PAX5: variants seen among roughly 807,000 people sequenced by gnomAD.
PAX5 encodes paired box protein Pax-5.
Under a neutral mutation model 43.7 loss-of-function variants are expected in PAX5, and 9 were observed. That is an observed-to-expected ratio of 0.21 (90% CI 0.12 to 0.36). The LOEUF is 0.36. Among genes scored for constraint, PAX5 ranks in the 10% least tolerant of loss-of-function variants. The probability of loss-of-function intolerance (pLI) is 1.00; values close to 1 mark genes in which losing one functional copy is unlikely to be tolerated. For synonymous variants in PAX5, 228 were observed against 214.3 expected (o/e 1.06, Z -0.56); for missense variants, 383 against 532.7 (o/e 0.72, Z 2.77).
At chr9:36,958,438 C>A (rs991467451) in intron 6 of PAX5, among the ~76,000 whole-genome samples, 1 of 146,912 alleles carries the variant, frequency 6.8e-6, no homozygotes, top group Non-Finnish European at 1.5e-5. Flanking sequence ...CTAGGAACTA[C>A]GGGGGCCTGG....
chr9:36,901,642 A>AG (rs1828402487), intron 7 of PAX5, among the ~76,000 whole-genome samples: 1 of 152,090 alleles, frequency 6.6e-6, no homozygotes, highest in Admixed American at 6.5e-5. Flanking sequence ...GCTAAAAGGT[A>AG]GGGGGGTCTG....
rs149918641 is a variant in PAX5, at chr9:36,886,979, A to T, written c.911-4874T>A. Among the ~76,000 whole-genome samples the T allele has an allele frequency of 1.1e-4, 16 of 151,820 alleles. 2 individuals are homozygous for T. The South Asian group carries it at 1.7e-3, about 16-fold the overall frequency. On this transcript the variant is annotated intron_variant, in intron 7 of 9. Transcript: ENST00000358127. The stretch of plus-strand genomic sequence containing the variant: ...AGACACATTTGGTTTGAAATAACTC[A>T]CTCTTTGCAATCCTGAGAGGAAGGG...
chr9:36,985,647 G>C (rs961172454), intron 5 of PAX5, among the ~76,000 whole-genome samples: 5 of 152,272 alleles, frequency 3.3e-5, no homozygotes, highest in Non-Finnish European at 5.9e-5. Context: ...GGCAAGAAGA[G>C]CTTTCTGAGG....
chr9:36,903,069 C>T (rs556165036), intron 7 of PAX5, among the ~76,000 whole-genome samples: 95 of 152,252 alleles, frequency 6.2e-4, no homozygotes, highest in Middle Eastern at 3.4e-3. Flanking sequence ...TCAGGCAGGC[C>T]GGGCAATGGA....
intron 6 of PAX5, among the ~76,000 whole-genome samples, chr9:36,952,804 C>T (rs1321100294): frequency 6.6e-6 from 1 of 152,172 alleles, no homozygotes; most frequent in African/African-American, 2.4e-5. Flanking sequence ...CATCATTTCA[C>T]TTATCCATAT....
Position 36,921,966 on chromosome 9 carries a change from T to C in PAX5, c.910+1389A>G, listed in dbSNP as rs181769581. ...GGGGTCAGCAAAGGCTTACTCCAGATGGGCTCCCCGGCTCCCTGCCCCTCG... is the reference window on the plus strand; with the variant it reads ...GGGGTCAGCAAAGGCTTACTCCAGACGGGCTCCCCGGCTCCCTGCCCCTCG... On this transcript the variant is annotated intron_variant, in intron 7 of 9. Transcript: ENST00000358127. Among the ~76,000 whole-genome samples the C allele has an allele frequency of 4.6e-5, 7 of 152,272 alleles. No homozygotes were observed. The East Asian group carries it at 1.4e-3, about 29-fold the overall frequency.
chr9:36,943,043 T>C (rs554760754), intron 6 of PAX5, among the ~76,000 whole-genome samples: 14 of 152,346 alleles, frequency 9.2e-5, no homozygotes, highest in African/African-American at 3.4e-4. Context: ...GCTATGTCCT[T>C]GTGCTTACCC....
intron 8 of PAX5, among the ~76,000 whole-genome samples, chr9:36,876,100 A>G (rs777064649): frequency 2.0e-5 from 3 of 152,204 alleles, no homozygotes; most frequent in Non-Finnish European, 4.4e-5. Context: ...GAGCCCTTTA[A>G]GCAGAGGAAG....
intron 4 of PAX5, among the ~76,000 whole-genome samples, chr9:37,005,471 G>C (rs1053220432): frequency 6.6e-6 from 1 of 152,226 alleles, no homozygotes; most frequent in Non-Finnish European, 1.5e-5. Flanking sequence ...GCCTCAGTGA[G>C]CACCTGGTTA....
intron 5 of PAX5, among the ~76,000 whole-genome samples, chr9:36,981,196 C>G (rs78190217): frequency 1.3e-4 from 15 of 119,022 alleles, no homozygotes; most frequent in South Asian, 7.9e-4. Context: ...CCCCCCCCCC[C>G]TCAGCCCTGC....
chr9:36,886,476 A>G (rs753879339), intron 7 of PAX5, among the ~76,000 whole-genome samples: 1 of 152,156 alleles, frequency 6.6e-6, no homozygotes, highest in Non-Finnish European at 1.5e-5. Context: ...CTTGGAGGAC[A>G]CAGGCAGTTT....
intron 5 of PAX5, among the ~76,000 whole-genome samples, chr9:36,973,017 G>C (rs531952016): frequency 4.6e-5 from 5 of 109,660 alleles, no homozygotes; most frequent in African/African-American, 1.7e-4. Flanking sequence ...GACAGAGCGA[G>C]ATTCAGTCTC....
intron 6 of PAX5, among the ~76,000 whole-genome samples, chr9:36,964,594 CAA>C (rs745521933): frequency 4.4e-4 from 22 of 49,606 alleles, no homozygotes; most frequent in Non-Finnish European, 2.7e-4. Flanking sequence ...CTCCAGCTCA[CAA>C]AAAAAAAAAA....
intron 6 of PAX5, among the ~76,000 whole-genome samples, chr9:36,953,966 G>T (rs190796937): frequency 2.6e-5 from 4 of 152,106 alleles, no homozygotes; most frequent in African/African-American, 7.2e-5. Context: ...CAGCTACTTG[G>T]GGGGCTGAGA....
intron 3 of PAX5, among the ~76,000 whole-genome samples, chr9:37,010,462 A>C (rs935556935): frequency 6.6e-6 from 1 of 152,176 alleles, no homozygotes; most frequent in African/African-American, 2.4e-5. Flanking sequence ...TCCCTCTGCT[A>C]AATACTTCCT....
intron 1 of PAX5, among the ~76,000 whole-genome samples, chr9:37,028,560 C>T (rs1400777781): frequency 6.6e-6 from 1 of 152,212 alleles, no homozygotes; most frequent in Non-Finnish European, 1.5e-5. Flanking sequence ...GGCTGGCCCT[C>T]TTTCCTGCCT....
chr9:36,922,234 A>T (rs967750941), intron 7 of PAX5, among the ~76,000 whole-genome samples: 5 of 152,006 alleles, frequency 3.3e-5, no homozygotes, highest in Non-Finnish European at 5.9e-5. Flanking sequence ...TCCGAGTCTA[A>T]CCCAGCTTCC....
chr9:36,910,996 A>G (rs1242162742), intron 7 of PAX5, among the ~76,000 whole-genome samples: 1 of 152,170 alleles, frequency 6.6e-6, no homozygotes, highest in Non-Finnish European at 1.5e-5. Context: ...TTTCTGCCAG[A>G]ATGCCTTTCC....
chr9:37,026,904 C>A (rs1554687315), intron 1 of PAX5, among the ~76,000 whole-genome samples: 1 of 152,328 alleles, frequency 6.6e-6, no homozygotes, highest in South Asian at 2.1e-4. Context: ...GGGGGCATAG[C>A]GTAGGGGCCC....
Sources: gnomAD v4.1 joint callset for allele counts (sites outside exome capture counted in the v4.1 genomes callset) on GRCh38, gnomAD v4.1.1 for gene constraint, MANE v1.5 for transcripts, NCBI Gene and HGNC (gene_info 2026-07-23, HGNC 2026-07-21) for gene names.